Variants in RIMS1 observed in about 807,000 individuals in gnomAD.
RIMS1 encodes the protein regulating synaptic membrane exocytosis protein 1.
A neutral mutation model predicts 214.1 loss-of-function variants in RIMS1; 83 were observed. That is an observed-to-expected ratio of 0.39 (90% confidence interval 0.32 to 0.47). The LOEUF is 0.47. Ranked by LOEUF, RIMS1 falls within the 20% of genes least tolerant of loss-of-function variation. The probability of loss-of-function intolerance (pLI) is 0.99; values close to 1 mark genes in which losing one functional copy is unlikely to be tolerated. For synonymous variants in RIMS1, 793 were observed against 786.8 expected, an observed-to-expected ratio of 1.01 and a Z score of -0.13; for missense variants, 2,050 against 2,161.8, an observed-to-expected ratio of 0.95 and a Z score of 1.03.
intron 6 of RIMS1, among the ~76,000 whole-genome samples, chr6:72,205,616 AAAT>A (rs1312979142): frequency 2.6e-5 from 4 of 152,336 alleles, no homozygotes; most frequent in Middle Eastern, 6.8e-3. Context: ...TCTGTAACCC[AAAT>A]AATGAGTCAA....
rs1471930530 is a variant in RIMS1, at chr6:72,353,641, AG to A, written c.4366+19808del. Among the ~76,000 whole-genome samples, 3 of 152,292 alleles carry A rather than the reference AG, an allele frequency of 2.0e-5. No individual in the cohort carries two copies. The East Asian group carries it at 5.8e-4, about 29-fold the overall frequency. ...GTTAGTCATGGGGGGATTGGAGGGAAGGTGATTGGGAAGTGGTCACGTCACA... is the reference window on the plus strand; with the variant it reads ...GTTAGTCATGGGGGGATTGGAGGGAAGTGATTGGGAAGTGGTCACGTCACA... On this transcript the variant is annotated intron_variant, in intron 29 of 33. Transcript: ENST00000521978.
At chr6:71,909,728 C>G (rs1404218214) in intron 1 of RIMS1, among the ~76,000 whole-genome samples, 4 of 151,956 alleles carry the variant, frequency 2.6e-5, no homozygotes, top group African/African-American at 9.7e-5. Flanking sequence ...TATGTCAGAG[C>G]TAGTTTTTAA....
At chr6:71,993,119 A>T (rs748506324) in intron 2 of RIMS1, among the ~76,000 whole-genome samples, 2 of 152,172 alleles carry the variant, frequency 1.3e-5, no homozygotes, top group Non-Finnish European at 2.9e-5. Context: ...TGAGATGTTG[A>T]TTAGTTATAG....
At chr6:72,321,341 T>C (rs1312740488) in intron 28 of RIMS1, among the ~76,000 whole-genome samples, 1 of 152,164 alleles carries the variant, frequency 6.6e-6, no homozygotes, top group Non-Finnish European at 1.5e-5. Flanking sequence ...TGTTTTCTCA[T>C]GTTTTGGTAT....
At chr6:72,370,704 C>T (rs1452752116) in intron 29 of RIMS1, among the ~76,000 whole-genome samples, 2 of 152,010 alleles carry the variant, frequency 1.3e-5, no homozygotes, top group Non-Finnish European at 2.9e-5. Context: ...AATATTTGTA[C>T]ATGTATGGAT....
chr6:71,956,235 A>C (rs1382443254), intron 1 of RIMS1, among the ~76,000 whole-genome samples: 1 of 152,062 alleles, frequency 6.6e-6, no homozygotes, highest in Non-Finnish European at 1.5e-5. Flanking sequence ...AAAATGCAAA[A>C]GTACTTTAGG....
intron 22 of RIMS1, among the ~76,000 whole-genome samples, chr6:72,273,972 A>T (rs2084796365): frequency 6.6e-6 from 1 of 152,182 alleles, no homozygotes; most frequent in Non-Finnish European, 1.5e-5. Flanking sequence ...AAACCTATTT[A>T]TTCAAACATA....
intron 12 of RIMS1, among the ~76,000 whole-genome samples, chr6:72,249,327 A>G (rs746556383): frequency 5.3e-5 from 8 of 152,164 alleles, no homozygotes; most frequent in Non-Finnish European, 1.0e-4. Context: ...GAGTTTGACA[A>G]TAGGATTTTA....
At chr6:72,249,278 A>G (rs1042101056) in intron 12 of RIMS1, among the ~76,000 whole-genome samples, 1 of 152,244 alleles carries the variant, frequency 6.6e-6, no homozygotes, top group Admixed American at 6.6e-5. Flanking sequence ...CTGCCAGGGC[A>G]GATACTGTAA....
At chr6:72,323,571 G>A (rs2096282140) in intron 28 of RIMS1, among the ~76,000 whole-genome samples, 1 of 151,844 alleles carries the variant, frequency 6.6e-6, no homozygotes, top group African/African-American at 2.4e-5. Flanking sequence ...GAAATTGGAG[G>A]AGAATATAAA....
At position 72,248,308 on chromosome 6, in the gene RIMS1, G is replaced by GA. The variant is rs569004513; in HGVS notation, c.2241+184dup. ...ATTCCTTTATTCACATATTTATTCAGAAATACTTACTGAGTGCTTGCAGTG... is the reference window on the plus strand; with the variant it reads ...ATTCCTTTATTCACATATTTATTCAGAAAATACTTACTGAGTGCTTGCAGTG... On this transcript the variant is annotated intron_variant, in intron 12 of 33. Coordinates refer to ENST00000521978, the MANE Select transcript of RIMS1 (RefSeq NM_014989.7). Among the ~76,000 whole-genome samples the GA allele has an allele frequency of 3.3e-4, 50 of 152,086 alleles. No individual in the cohort carries two copies. The South Asian group carries it at 1.0e-2, about 30-fold the overall frequency.
chr6:72,036,082 A>T (rs2152046358), intron 2 of RIMS1, among the ~76,000 whole-genome samples: 1 of 152,252 alleles, frequency 6.6e-6, no homozygotes, highest in East Asian at 1.9e-4. Context: ...AATTCATAAA[A>T]TTCTGCCAAC....
intron 4 of RIMS1, among the ~76,000 whole-genome samples, chr6:72,146,450 T>C (rs1005781149): frequency 6.6e-6 from 1 of 152,236 alleles, no homozygotes; most frequent in Non-Finnish European, 1.5e-5. Flanking sequence ...ACCTTAAGGA[T>C]AAATCTTAAC....
At chr6:71,984,637 C>G (rs1164080026) in intron 2 of RIMS1, among the ~76,000 whole-genome samples, 1 of 152,164 alleles carries the variant, frequency 6.6e-6, no homozygotes, top group Non-Finnish European at 1.5e-5. Flanking sequence ...ACTCAGACGT[C>G]TGTTTCCAGG....
In RIMS1 at chr6:72,337,514, A is replaced by G. The variant is rs2154348601; in HGVS notation, c.4366+3679A>G. Among the ~76,000 whole-genome samples the G allele has an allele frequency of 1.3e-5, 2 of 151,830 alleles. 1 individual carries two copies. The highest frequency in any genetic ancestry group is 3.9e-4 in the East Asian group (2 of 5,134). On this transcript the variant is annotated intron_variant, in intron 29 of 33. Transcript: ENST00000521978. ...AAGTTATGTTTGTGTGAGTGTATACAATTTCACTCCTTCATTGGTCACAAG... is the reference window on the plus strand; with the variant it reads ...AAGTTATGTTTGTGTGAGTGTATACGATTTCACTCCTTCATTGGTCACAAG...
chr6:72,305,809 G>A (rs965558807), intron 26 of RIMS1, among the ~76,000 whole-genome samples: 1 of 152,074 alleles, frequency 6.6e-6, no homozygotes, highest in African/African-American at 2.4e-5. Context: ...AAGCAGGGGT[G>A]TATCATTGCT....
rs375950308 is a variant in RIMS1, at chr6:72,382,470, A to C, written c.4367-8128A>C. 2.6e-5 allele frequency among the ~76,000 whole-genome samples: 4 copies of C among 152,358 alleles called. No individual in the cohort carries two copies. In the South Asian group the frequency reaches 8.3e-4, roughly 32 times the overall value. Reference sequence around the variant, plus strand: ...CTTTTAAATAATAATTGTTGGAGATAGATGACAATATTACTATATTATATT... The same window carrying C: ...CTTTTAAATAATAATTGTTGGAGATCGATGACAATATTACTATATTATATT... On this transcript the variant is annotated intron_variant, in intron 29 of 33. Coordinates refer to ENST00000521978, the MANE Select transcript of RIMS1 (RefSeq NM_014989.7).
At chr6:71,982,857 C>A (rs1798843550) in intron 2 of RIMS1, among the ~76,000 whole-genome samples, 1 of 152,102 alleles carries the variant, frequency 6.6e-6, no homozygotes, top group Non-Finnish European at 1.5e-5. Context: ...GCCTTTAGGT[C>A]CAATAGTCCA....
chr6:72,340,447 G>T (rs571878397), intron 29 of RIMS1, among the ~76,000 whole-genome samples: 1 of 151,980 alleles, frequency 6.6e-6, no homozygotes, highest in Admixed American at 6.6e-5. Flanking sequence ...AATCCATCTT[G>T]AATTAATTTT....
Sources: allele counts gnomAD v4.1 joint callset (sites outside exome capture counted in the v4.1 genomes callset), GRCh38; gene constraint gnomAD v4.1.1; transcripts MANE v1.5; gene names NCBI Gene and HGNC (gene_info 2026-07-23, HGNC 2026-07-21).